TACR1: variants seen among roughly 807,000 people sequenced by gnomAD.
The protein encoded by TACR1 is substance-P receptor.
In TACR1, 25 loss-of-function variants were observed where a neutral mutation model predicts 35.8. The ratio of observed to expected loss-of-function variants is 0.70; its 90% CI spans 0.51 to 0.98. TACR1 has a LOEUF of 0.98. Ranked by LOEUF, TACR1 falls within the 50% of genes least tolerant of loss-of-function variation. The pLI is 0.00. For missense variants in TACR1, 478 were observed against 522.9 expected, an observed-to-expected ratio of 0.91 and a Z score of 0.84; for synonymous variants, 195 against 206.7, an observed-to-expected ratio of 0.94 and a Z score of 0.48.
At chr2:75,052,404 G>A (rs1288786580) in intron 3 of TACR1, among the ~76,000 whole-genome samples, 1 of 152,124 alleles carries the variant, frequency 6.6e-6, no homozygotes, top group Non-Finnish European at 1.5e-5. Flanking sequence ...TAAGCTCCCA[G>A]TCAAAGGCAT....
chr2:75,192,534 T>C (rs922074613), intron 1 of TACR1, among the ~76,000 whole-genome samples: 10 of 152,296 alleles, frequency 6.6e-5, no homozygotes, highest in Admixed American at 6.5e-4. Flanking sequence ...TTTATTTGGG[T>C]GGAAAATTGT....
rs150190539 is a variant in TACR1 at position 75,123,865 on chromosome 2, G to C, written c.390-3097C>G. ...CTTTCCTACTCCCCACTTCTAGCTA[G>C]GATTCATTAACATACATTTATATAT... On this transcript the variant is annotated intron_variant, in intron 1 of 4. Coordinates refer to ENST00000305249, the MANE Select transcript of TACR1 (RefSeq NM_001058.4). Among the ~76,000 whole-genome samples the C allele has an allele frequency of 2.1e-3, 319 of 152,204 alleles. 1 individual carries two copies. The highest frequency in any genetic ancestry group is 7.4e-3 in the African/African-American group (308 of 41,522).
intron 2 of TACR1, among the ~76,000 whole-genome samples, chr2:75,067,689 G>A (rs916044040): frequency 5.3e-5 from 8 of 152,188 alleles, no homozygotes; most frequent in African/African-American, 1.9e-4. Flanking sequence ...GTTCAAAGCA[G>A]CGACGTGAAG....
intron 1 of TACR1, among the ~76,000 whole-genome samples, chr2:75,147,887 G>A (rs1361336189): frequency 6.6e-6 from 1 of 152,068 alleles, no homozygotes; most frequent in East Asian, 1.9e-4. Flanking sequence ...TGGGAGTACA[G>A]GCATGTGCCA....
chr2:75,090,753 C>T (rs1673292722), intron 2 of TACR1: 1 of 153,928 alleles, frequency 6.5e-6, no homozygotes, highest in Admixed American at 6.6e-5. Context: ...GTGACCGTTC[C>T]CCATCAGACC....
intron 2 of TACR1, among the ~76,000 whole-genome samples, chr2:75,095,624 T>A (rs1485096311): frequency 2.0e-5 from 3 of 152,136 alleles, no homozygotes; most frequent in Non-Finnish European, 1.5e-5. Flanking sequence ...AATGCTTAGG[T>A]AAAGAAGCTG....
chr2:75,104,771 G>A (rs1673607188), intron 2 of TACR1, among the ~76,000 whole-genome samples: 1 of 152,078 alleles, frequency 6.6e-6, no homozygotes, highest in South Asian at 2.1e-4. Flanking sequence ...TGGCTTTCAG[G>A]TATATGAGAA....
intron 2 of TACR1, among the ~76,000 whole-genome samples, chr2:75,116,501 A>G (rs149812571): frequency 6.6e-6 from 1 of 152,282 alleles, no homozygotes; most frequent in African/African-American, 2.4e-5. Context: ...TGGGAACATT[A>G]TGTTTGATGT....
At chr2:75,081,308 C>T (rs1032207555) in intron 2 of TACR1, among the ~76,000 whole-genome samples, 1 of 152,196 alleles carries the variant, frequency 6.6e-6, no homozygotes, top group Non-Finnish European at 1.5e-5. Context: ...TGTCCTTGGT[C>T]CTGTGATACA....
intron 1 of TACR1, among the ~76,000 whole-genome samples, chr2:75,137,688 C>T (rs1050716070): frequency 3.5e-5 from 5 of 141,780 alleles, no homozygotes; most frequent in East Asian, 2.2e-4. Flanking sequence ...AGGATCACAC[C>T]GCTGCCCTCC....
intron 2 of TACR1, among the ~76,000 whole-genome samples, chr2:75,106,923 T>C (rs1673656781): frequency 6.6e-6 from 1 of 151,328 alleles, no homozygotes; most frequent in South Asian, 2.1e-4. Context: ...ATAAAGACAA[T>C]GAGTGTGGAA....
At chr2:75,095,277 C>T (rs953918491) in intron 2 of TACR1, among the ~76,000 whole-genome samples, 1 of 152,126 alleles carries the variant, frequency 6.6e-6, no homozygotes, top group Non-Finnish European at 1.5e-5. Flanking sequence ...GTGGCACACC[C>T]GCACATGATT....
intron 1 of TACR1, among the ~76,000 whole-genome samples, chr2:75,171,357 G>A (rs1017849122): frequency 6.6e-6 from 1 of 152,228 alleles, no homozygotes; most frequent in Admixed American, 6.5e-5. Flanking sequence ...AGATTTCAGA[G>A]GATGTATGAA....
rs531143637 is a variant in TACR1 at position 75,103,322 on chromosome 2, C to T, written c.584+17252G>A. On this transcript the variant is annotated intron_variant, in intron 2 of 4. Coordinates refer to ENST00000305249, the MANE Select transcript of TACR1 (RefSeq NM_001058.4). Reference sequence around the variant, plus strand: ...ACAAAGTAAGAAAGTCCTCAAAACACACGACACAACACAAAAAGCACAAAA... The same window carrying T: ...ACAAAGTAAGAAAGTCCTCAAAACATACGACACAACACAAAAAGCACAAAA... 5.9e-5 allele frequency among the ~76,000 whole-genome samples: 9 copies of T among 152,138 alleles called. No individual in the cohort carries two copies. In the East Asian group the frequency reaches 1.7e-3, roughly 29 times the overall value.
At chr2:75,151,111 C>G (rs958547126) in intron 1 of TACR1, among the ~76,000 whole-genome samples, 1 of 152,126 alleles carries the variant, frequency 6.6e-6, no homozygotes, top group Non-Finnish European at 1.5e-5. Flanking sequence ...ATAAGGGAAG[C>G]AGAGCATAAA....
At chr2:75,129,606 A>T (rs1011499042) in intron 1 of TACR1, among the ~76,000 whole-genome samples, 5 of 152,234 alleles carry the variant, frequency 3.3e-5, no homozygotes, top group Non-Finnish European at 7.3e-5. Flanking sequence ...CCTCACAACT[A>T]TGTACAATTA....
chr2:75,069,987 C>T (rs983886927), intron 2 of TACR1, among the ~76,000 whole-genome samples: 4 of 151,900 alleles, frequency 2.6e-5, no homozygotes, highest in Admixed American at 6.6e-5. Flanking sequence ...TCATGCTCCT[C>T]CCTTGAAGAC....
intron 2 of TACR1, among the ~76,000 whole-genome samples, chr2:75,108,945 G>A (rs557554122): frequency 6.6e-6 from 1 of 152,170 alleles, no homozygotes; most frequent in South Asian, 2.1e-4. Flanking sequence ...GTAAAAATTC[G>A]TCTCAGCTCT....
At chr2:75,112,643 A>G (rs1341770907) in intron 2 of TACR1, among the ~76,000 whole-genome samples, 2 of 151,988 alleles carry the variant, frequency 1.3e-5, no homozygotes, top group Admixed American at 1.3e-4. Flanking sequence ...AAGGAAATCC[A>G]TTTTTCATTT....
Sources: allele counts gnomAD v4.1 joint callset (sites outside exome capture counted in the v4.1 genomes callset), GRCh38; gene constraint gnomAD v4.1.1; transcripts MANE v1.5; gene names NCBI Gene and HGNC (gene_info 2026-07-23, HGNC 2026-07-21).